Variants in SGK3 observed in about 807,000 individuals in gnomAD.
SGK3 encodes serine/threonine-protein kinase Sgk3.
SGK3 carries 47 observed loss-of-function variants against 68.5 expected under a neutral mutation model. The observed-to-expected ratio is 0.69, with a 90% CI of 0.54 to 0.87. The LOEUF (loss-of-function observed/expected upper bound fraction) is 0.87. Among genes scored for constraint, SGK3 ranks in the 40% least tolerant of loss-of-function variants. The probability of loss-of-function intolerance (pLI) is 0.00; values close to 1 mark genes in which losing one functional copy is unlikely to be tolerated. For missense variants in SGK3, 479 were observed against 575.5 expected (o/e 0.83, Z 1.72); for synonymous variants, 181 against 189.1 (o/e 0.96, Z 0.35).
At position 66,759,080 on chromosome 8, in the gene SGK3, C is replaced by T. The variant is rs11992646; in HGVS notation, c.-121-34536C>T. Reference sequence around the variant, plus strand: ...CTTCTTTTTTCTTTTTTCTTTTCTTCTTTTTTTTTTTTTTTGAGACAGAGT... The same window carrying T: ...CTTCTTTTTTCTTTTTTCTTTTCTTTTTTTTTTTTTTTTTTGAGACAGAGT... On this transcript the variant is annotated intron_variant, in intron 1 of 16. Coordinates refer to ENST00000521198, the MANE Select transcript of SGK3 (RefSeq NM_001033578.3). 1.0e-3 allele frequency among the ~76,000 whole-genome samples: 143 copies of T among 140,424 alleles called. 2 individuals are homozygous for T. Among genetic ancestry groups the T allele is most frequent in the African/African-American group, 3.5e-3 (135 of 38,298 alleles). 92.1% of individuals were successfully genotyped at this position (140,424 alleles called of 152,430 possible).
At chr8:66,816,958 G>A (rs1049308336) in intron 5 of SGK3, among the ~76,000 whole-genome samples, 3 of 152,014 alleles carry the variant, frequency 2.0e-5, no homozygotes, top group African/African-American at 7.2e-5. Context: ...AGCCTCCTGA[G>A]TAGCTGGGAT....
At chr8:66,714,541 C>T (rs1804579722) in intron 1 of SGK3, among the ~76,000 whole-genome samples, 1 of 152,100 alleles carries the variant, frequency 6.6e-6, no homozygotes, top group South Asian at 2.1e-4. Flanking sequence ...TTTAACTTTT[C>T]AGAGAGATGA....
chr8:66,807,241 A>G (rs1282234748), intron 4 of SGK3, among the ~76,000 whole-genome samples: 1 of 152,252 alleles, frequency 6.6e-6, no homozygotes, highest in Non-Finnish European at 1.5e-5. Context: ...TGAGACAATT[A>G]ACTAATTAGA....
At chr8:66,817,186 A>G (rs1438425343) in intron 5 of SGK3, among the ~76,000 whole-genome samples, 1 of 152,024 alleles carries the variant, frequency 6.6e-6, no homozygotes, top group Non-Finnish European at 1.5e-5. Context: ...TAATCTCAAC[A>G]CTTTGGGAGG....
At chr8:66,722,283 CTTGTTTT>C (rs959975027) in intron 1 of SGK3, among the ~76,000 whole-genome samples, 1 of 152,014 alleles carries the variant, frequency 6.6e-6, no homozygotes, top group African/African-American at 2.4e-5. Flanking sequence ...TTTTGTTTTT[CTTGTTTT>C]TTGTTTTCTT....
intron 10 of SGK3, among the ~76,000 whole-genome samples, chr8:66,839,111 G>T (rs1371644669): frequency 6.6e-6 from 1 of 151,966 alleles, no homozygotes; most frequent in African/African-American, 2.4e-5. Flanking sequence ...TGGACCAAGG[G>T]CAGAAACCCT....
chr8:66,721,026 GT>G (rs1804780591), intron 1 of SGK3, among the ~76,000 whole-genome samples: 1 of 152,162 alleles, frequency 6.6e-6, no homozygotes, highest in South Asian at 2.1e-4. Flanking sequence ...TGAGTACATT[GT>G]TTACAGTATA....
chr8:66,723,089 T>TTATA (rs1804843855), intron 1 of SGK3, among the ~76,000 whole-genome samples: 1 of 57,512 alleles, frequency 1.7e-5, no homozygotes, highest in Admixed American at 2.4e-4. Flanking sequence ...AAGATTTTGT[T>TTATA]CATATATATA....
At chr8:66,775,025 CT>C (rs1806637795) in intron 1 of SGK3, among the ~76,000 whole-genome samples, 1 of 152,250 alleles carries the variant, frequency 6.6e-6, no homozygotes, top group South Asian at 2.1e-4. Context: ...CCCGCCTTTC[CT>C]CCCCCGCTTA....
intron 1 of SGK3, among the ~76,000 whole-genome samples, chr8:66,767,141 G>A (rs947112908): frequency 3.3e-5 from 5 of 152,094 alleles, no homozygotes; most frequent in Non-Finnish European, 4.4e-5. Flanking sequence ...CACCACACCC[G>A]GTCAAGTTTG....
At chr8:66,812,064 C>T (rs1808401211) in intron 4 of SGK3, among the ~76,000 whole-genome samples, 1 of 152,146 alleles carries the variant, frequency 6.6e-6, no homozygotes, top group African/African-American at 2.4e-5. Flanking sequence ...CCATACCTTA[C>T]ATTTAAGAAA....
At chr8:66,787,667 G>A (rs1367792234) in intron 1 of SGK3, among the ~76,000 whole-genome samples, 4 of 152,208 alleles carry the variant, frequency 2.6e-5, no homozygotes, top group Non-Finnish European at 5.9e-5. Flanking sequence ...GAAAGAGGCT[G>A]ACTGACATCC....
chr8:66,832,261 A>G (rs761506085), intron 8 of SGK3, among the ~76,000 whole-genome samples: 2 of 152,242 alleles, frequency 1.3e-5, no homozygotes, highest in African/African-American at 4.8e-5. Context: ...ACAGGAAAGT[A>G]TCATAGATGA....
At chr8:66,718,129 G>A (rs1002752875) in intron 1 of SGK3, among the ~76,000 whole-genome samples, 1 of 151,676 alleles carries the variant, frequency 6.6e-6, no homozygotes, top group African/African-American at 2.4e-5. Context: ...GGGTTCAAGC[G>A]ATTCTCCTGC....
chr8:66,733,650 G>A (rs1455896245), intron 1 of SGK3, among the ~76,000 whole-genome samples: 4 of 152,106 alleles, frequency 2.6e-5, no homozygotes, highest in African/African-American at 4.8e-5. Flanking sequence ...CTCTTAGTAA[G>A]TGATTTTATT....
At chr8:66,851,010 A>G (rs1810260396) in intron 16 of SGK3, 90 bp downstream of exon 16, 12 of 1,332,102 alleles carry the variant, frequency 9.0e-6, no homozygotes, top group Non-Finnish European at 1.2e-5. Context: ...GAATCACCTG[A>G]ATTAAATGGA....
chr8:66,720,781 T>TTATATATATATATATATATATATATA (rs758419858), intron 1 of SGK3, among the ~76,000 whole-genome samples: 20 of 146,320 alleles, frequency 1.4e-4, no homozygotes, highest in African/African-American at 5.3e-4. Flanking sequence ...AAAAAAAAAA[T>TTATATATATATATATATATATATATA]TATATATATA....
chr8:66,846,349 C>T (rs1810012716), intron 14 of SGK3, among the ~76,000 whole-genome samples: 1 of 152,112 alleles, frequency 6.6e-6, no homozygotes, highest in Admixed American at 6.5e-5. Flanking sequence ...GGGTCTCACT[C>T]TGTTGCCCAG....
At chr8:66,855,699 A>C (rs1217653612) in intron 16 of SGK3, among the ~76,000 whole-genome samples, 2 of 152,216 alleles carry the variant, frequency 1.3e-5, no homozygotes, top group African/African-American at 2.4e-5. Flanking sequence ...GAAAACATGA[A>C]GTTACAGAAA....
Sources: allele counts gnomAD v4.1 joint callset (sites outside exome capture counted in the v4.1 genomes callset), GRCh38; gene constraint gnomAD v4.1.1; transcripts MANE v1.5; gene names NCBI Gene and HGNC (gene_info 2026-07-23, HGNC 2026-07-21).